PAG1: variants seen among roughly 807,000 people sequenced by gnomAD.
PAG1 encodes phosphoprotein membrane anchor with glycosphingolipid microdomains 1.
Under a neutral mutation model 31.7 loss-of-function variants are expected in PAG1, and 23 were observed. The observed-to-expected ratio is 0.73, with a 90% CI of 0.52 to 1.03. The LOEUF (loss-of-function observed/expected upper bound fraction) is 1.03. Ranked by LOEUF, PAG1 falls within the 50% of genes least tolerant of loss-of-function variation. PAG1 has a pLI of 0.00. For synonymous variants in PAG1, 214 were observed against 210.3 expected, an observed-to-expected ratio of 1.02 and a Z score of -0.15; for missense variants, 473 against 540.7, an observed-to-expected ratio of 0.87 and a Z score of 1.24.
chr8:81,055,654 C>T (rs1808807488), intron 2 of PAG1, among the ~76,000 whole-genome samples: 2 of 151,972 alleles, frequency 1.3e-5, no homozygotes, highest in Non-Finnish European at 2.9e-5. Flanking sequence ...TTGTAGTTCT[C>T]CTTGAAGAGG....
intron 1 of PAG1, among the ~76,000 whole-genome samples, chr8:81,092,454 C>T (rs529827174): frequency 3.9e-5 from 6 of 152,260 alleles, no homozygotes; most frequent in African/African-American, 1.4e-4. Context: ...TGAAGAAATA[C>T]ATTTATTCTG....
chr8:81,016,283 C>T (rs1323540650), intron 3 of PAG1, among the ~76,000 whole-genome samples: 1 of 152,108 alleles, frequency 6.6e-6, no homozygotes, highest in African/African-American at 2.4e-5. Context: ...TATTATTGTC[C>T]TCATGGTACT....
intron 6 of PAG1, among the ~76,000 whole-genome samples, chr8:80,985,665 G>A (rs187070723): frequency 2.6e-5 from 4 of 152,272 alleles, no homozygotes; most frequent in Admixed American, 2.0e-4. Context: ...GACTCTTGTA[G>A]GCAGATTGTC....
intron 3 of PAG1, among the ~76,000 whole-genome samples, chr8:81,007,147 T>C (rs747700445): frequency 4.6e-5 from 7 of 152,148 alleles, no homozygotes; most frequent in Non-Finnish European, 4.4e-5. Flanking sequence ...GAGTAGCCTA[T>C]GATACAGCGG....
chr8:81,024,042 T>C (rs926247816), intron 3 of PAG1, among the ~76,000 whole-genome samples: 3 of 152,220 alleles, frequency 2.0e-5, no homozygotes, highest in African/African-American at 7.2e-5. Context: ...TTGCAGTGTT[T>C]ATGTGAGTCA....
intron 5 of PAG1, among the ~76,000 whole-genome samples, chr8:80,989,601 T>C (rs575878636): frequency 6.6e-6 from 1 of 152,260 alleles, no homozygotes; most frequent in South Asian, 2.1e-4. Flanking sequence ...TAATGAATTA[T>C]ATGGTGGATG....
intron 2 of PAG1, among the ~76,000 whole-genome samples, chr8:81,050,615 G>A (rs1165009531): frequency 6.6e-6 from 1 of 152,118 alleles, no homozygotes; most frequent in African/African-American, 2.4e-5. Context: ...CTTTCTATCT[G>A]TATTTGTCTA....
intron 2 of PAG1, among the ~76,000 whole-genome samples, chr8:81,056,357 G>C (rs1256579352): frequency 6.6e-6 from 1 of 152,096 alleles, no homozygotes; most frequent in Non-Finnish European, 1.5e-5. Flanking sequence ...GCATGGTACT[G>C]GTACCAAAAC....
At chr8:80,988,955 A>C (rs1807481730) in intron 5 of PAG1, among the ~76,000 whole-genome samples, 2 of 152,218 alleles carry the variant, frequency 1.3e-5, no homozygotes, top group African/African-American at 4.8e-5. Flanking sequence ...GTTGCAGCCC[A>C]AATCACTGCA....
At chr8:81,071,572 T>C (rs1809093656) in intron 1 of PAG1, among the ~76,000 whole-genome samples, 3 of 152,206 alleles carry the variant, frequency 2.0e-5, no homozygotes, top group African/African-American at 4.8e-5. Context: ...TATTTGGGAA[T>C]AGTACTTGTT....
chr8:81,045,680 C>T (rs187236418), intron 2 of PAG1, among the ~76,000 whole-genome samples: 27 of 152,242 alleles, frequency 1.8e-4, no homozygotes, highest in Admixed American at 1.7e-3. Flanking sequence ...GTGAATTGTA[C>T]AGTATGTGAA....
At chr8:81,012,449 T>C (rs1808001593) in intron 3 of PAG1, among the ~76,000 whole-genome samples, 1 of 152,228 alleles carries the variant, frequency 6.6e-6, no homozygotes, top group Admixed American at 6.5e-5. Context: ...CCTACCAAAA[T>C]CAGCTACATT....
intron 3 of PAG1, among the ~76,000 whole-genome samples, chr8:80,993,519 G>A (rs1210097537): frequency 3.3e-5 from 5 of 152,074 alleles, no homozygotes; most frequent in African/African-American, 1.2e-4. Flanking sequence ...AACGAAAGCG[G>A]GAACATACAG....
At chr8:81,046,091 A>T (rs1808637554) in intron 2 of PAG1, among the ~76,000 whole-genome samples, 1 of 152,204 alleles carries the variant, frequency 6.6e-6, no homozygotes, top group Non-Finnish European at 1.5e-5. Context: ...TAAGACATTC[A>T]TTTGGTTCCA....
At chr8:81,043,353 G>C (rs772064843) in intron 2 of PAG1, among the ~76,000 whole-genome samples, 2 of 152,150 alleles carry the variant, frequency 1.3e-5, no homozygotes, top group Non-Finnish European at 2.9e-5. Context: ...AATCCCACAG[G>C]TAAGCACTGT....
rs547457969 is a variant in PAG1, at chr8:80,993,412, C to T, written c.-80-105G>A. The T allele has an allele frequency of 1.4e-4, 77 of 569,098 alleles. No individual in the cohort carries two copies. The South Asian group carries it at 2.0e-3, about 15-fold the overall frequency. 35.3% of individuals were successfully genotyped at this position (569,098 alleles called of 1,614,324 possible). ...AGACCTTTGCGCAAAGTCAGGGAAG[C>T]GTGTGCTGGATGCTGAGGAGAGCCC... On this transcript the variant is annotated intron_variant, in intron 3 of 8. Transcript: ENST00000220597.
At chr8:81,082,030 A>T (rs1384907111) in intron 1 of PAG1, among the ~76,000 whole-genome samples, 2 of 152,140 alleles carry the variant, frequency 1.3e-5, no homozygotes, top group Non-Finnish European at 2.9e-5. Flanking sequence ...AGGCAGGCAG[A>T]ACACCTGAGG....
Position 80,976,688 on chromosome 8 carries a change from A to C in PAG1, c.1155T>G (p.Pro385=). The part of the protein sequence containing the change: ...PAGRPSEEPE[P]DYEAIQTLNR... ...TGAGAGTCTGTATCGCTTCATAATCAGGCTCTGGCTCCTCGCTGGGCCTCC... is the reference window on the plus strand; with the variant it reads ...TGAGAGTCTGTATCGCTTCATAATCCGGCTCTGGCTCCTCGCTGGGCCTCC... Residue 385 remains proline (P), a synonymous_variant, in exon 9 of 9, where the codon CCT becomes CCG. Transcript: ENST00000220597. 6.2e-7 allele frequency: 1 copy of C among 1,614,070 alleles called. No individual in the cohort carries two copies. The highest frequency in any genetic ancestry group is 8.5e-7 in the Non-Finnish European group (1 of 1,180,006).
At chr8:80,989,948 A>C (rs1438277359) in intron 5 of PAG1, among the ~76,000 whole-genome samples, 1 of 152,096 alleles carries the variant, frequency 6.6e-6, no homozygotes, top group Non-Finnish European at 1.5e-5. Context: ...CTCACCACCC[A>C]ACTGGCACCA....
Sources: gnomAD v4.1 joint callset for allele counts (sites outside exome capture counted in the v4.1 genomes callset) on GRCh38, gnomAD v4.1.1 for gene constraint, MANE v1.5 for transcripts, NCBI Gene and HGNC (gene_info 2026-07-23, HGNC 2026-07-21) for gene names.